Variants in CPQ observed in about 807,000 individuals in gnomAD.
The protein encoded by CPQ is carboxypeptidase Q.
A neutral mutation model predicts 45.7 loss-of-function variants in CPQ; 37 were observed. The ratio of observed to expected loss-of-function variants is 0.81; its 90% CI spans 0.62 to 1.07. The LOEUF (loss-of-function observed/expected upper bound fraction) is 1.07, where lower values mean the gene tolerates loss of function less well. Among genes scored for constraint, CPQ ranks in the 50% least tolerant of loss-of-function variants. The probability of loss-of-function intolerance (pLI) is 0.00; values close to 1 mark genes in which losing one functional copy is unlikely to be tolerated. For missense variants in CPQ, 537 were observed against 572.9 expected, an observed-to-expected ratio of 0.94 and a Z score of 0.64; for synonymous variants, 186 against 205.8, an observed-to-expected ratio of 0.90 and a Z score of 0.82.
intron 7 of CPQ, among the ~76,000 whole-genome samples, chr8:97,110,430 G>A (rs759043421): frequency 1.2e-4 from 18 of 152,004 alleles, no homozygotes; most frequent in South Asian, 2.1e-4. Context: ...TACTATGTAC[G>A]TACTTATACA....
chr8:96,872,466 G>T (rs904233991), intron 3 of CPQ, among the ~76,000 whole-genome samples: 1 of 151,756 alleles, frequency 6.6e-6, no homozygotes, highest in African/African-American at 2.4e-5. Flanking sequence ...TTATAATTTA[G>T]GTGTGTAATA....
At chr8:96,978,340 A>G (rs191620620) in intron 5 of CPQ, among the ~76,000 whole-genome samples, 82 of 152,348 alleles carry the variant, frequency 5.4e-4, no homozygotes, top group African/African-American at 1.7e-3. Flanking sequence ...TGCAAAATAC[A>G]TCTGTGAGAT....
intron 1 of CPQ, among the ~76,000 whole-genome samples, chr8:96,698,202 T>C (rs1426321264): frequency 2.6e-5 from 4 of 152,020 alleles, no homozygotes; most frequent in African/African-American, 9.7e-5. Context: ...TATACATCTA[T>C]GGTGAATTTA....
intron 4 of CPQ, among the ~76,000 whole-genome samples, chr8:96,894,639 A>G (rs1407270524): frequency 1.3e-5 from 2 of 152,348 alleles, no homozygotes; most frequent in Middle Eastern, 3.4e-3. Flanking sequence ...ATTTAGTTCT[A>G]TATGGACTAT....
chr8:96,777,973 A>G (rs1810638592), intron 1 of CPQ, among the ~76,000 whole-genome samples: 1 of 150,302 alleles, frequency 6.7e-6, no homozygotes, highest in Non-Finnish European at 1.5e-5. Flanking sequence ...TGTGATCCGC[A>G]TGCCTTGGAC....
rs555926308 is a variant in CPQ at position 96,971,541 on chromosome 8, G to T, written c.961+5495G>T. ...ATGAACTCTCCCTATTGCCATGTTG[G>T]ATACGCTTTCTGCACAATTATTTGG... On this transcript the variant is annotated intron_variant, in intron 5 of 7. Transcript: ENST00000220763. 1.7e-4 allele frequency among the ~76,000 whole-genome samples: 26 copies of T among 152,150 alleles called. No homozygotes were observed. The East Asian group carries it at 5.0e-3, about 29-fold the overall frequency.
intron 7 of CPQ, among the ~76,000 whole-genome samples, chr8:97,093,709 C>A (rs1811164022): frequency 6.6e-6 from 1 of 152,174 alleles, no homozygotes; most frequent in African/African-American, 2.4e-5. Context: ...ACAAGGAGGA[C>A]AATGGCCCCT....
chr8:96,692,770 A>G lies in CPQ; in HGVS notation c.-35+47368A>G, dbSNP rs371990749. The stretch of plus-strand genomic sequence containing the variant: ...CTGCAAAGACAACAATAAATATTCA[A>G]TTCTTCAACAGCCAGAGACCAATGA... On this transcript the variant is annotated intron_variant, in intron 1 of 7. Transcript: ENST00000220763. 2.0e-4 allele frequency among the ~76,000 whole-genome samples: 30 copies of G among 152,314 alleles called. 2 individuals carry two copies. Among genetic ancestry groups the G allele is most frequent in the African/African-American group, 6.0e-4 (25 of 41,574 alleles).
chr8:96,972,976 C>A (rs1813705413), intron 5 of CPQ, among the ~76,000 whole-genome samples: 2 of 152,076 alleles, frequency 1.3e-5, no homozygotes, highest in Non-Finnish European at 2.9e-5. Context: ...AAACAAGTTT[C>A]TTTTACATCC....
Position 96,695,840 on chromosome 8 carries a change from A to G in CPQ, c.-35+50438A>G, listed in dbSNP as rs1466915278. 4.9e-4 allele frequency among the ~76,000 whole-genome samples: 74 copies of G among 150,396 alleles called. 3 individuals carry two copies. Among genetic ancestry groups the G allele is most frequent in the African/African-American group, 1.3e-3 (51 of 39,976 alleles). ...AAATAGGAACACTTTTACACTGTTG[A>G]TGGGACTGTAAACTAGTTCAACCAT... On this transcript the variant is annotated intron_variant, in intron 1 of 7. Transcript: ENST00000220763.
At position 96,951,853 on chromosome 8, in the gene CPQ, G is replaced by GTT. The variant is rs34580107; in HGVS notation, c.850-14073_850-14072dup. ...AAGTGAATCTTTCCTAGAGAGAATT[G>GTT]TTTTTTTTTTGAATGTTTGAGGTCA... On this transcript the variant is annotated intron_variant, in intron 4 of 7. Coordinates refer to ENST00000220763, the MANE Select transcript of CPQ (RefSeq NM_016134.4). Among the ~76,000 whole-genome samples, 343 of 149,238 alleles carry GTT rather than the reference G, an allele frequency of 2.3e-3. 2 individuals are homozygous for GTT. The highest frequency in any genetic ancestry group is 5.8e-3 in the East Asian group (29 of 5,038).
intron 7 of CPQ, among the ~76,000 whole-genome samples, chr8:97,084,341 T>C (rs2130556009): frequency 6.6e-6 from 1 of 152,336 alleles, no homozygotes; most frequent in African/African-American, 2.4e-5. Context: ...ATGTATCCCG[T>C]GGCAATGTGA....
chr8:96,779,543 G>A (rs1439918161), intron 1 of CPQ, among the ~76,000 whole-genome samples: 2 of 152,036 alleles, frequency 1.3e-5, no homozygotes, highest in African/African-American at 4.8e-5. Flanking sequence ...TCAAAACACA[G>A]GTCTTGATTA....
intron 1 of CPQ, among the ~76,000 whole-genome samples, chr8:96,700,507 T>A (rs1277705410): frequency 6.6e-6 from 1 of 152,108 alleles, no homozygotes; most frequent in Non-Finnish European, 1.5e-5. Flanking sequence ...TTGAGGGCAT[T>A]CTCAGTCATG....
rs184814427 is a variant in CPQ at position 96,893,870 on chromosome 8, A to T, written c.849+13865A>T. On this transcript the variant is annotated intron_variant, in intron 4 of 7. Transcript: ENST00000220763. ...TTAAAATATGTCCACATTTTTTTTTAAAATTTCTGTTTAAAAGGTGGAGCC... is the reference window on the plus strand; with the variant it reads ...TTAAAATATGTCCACATTTTTTTTTTAAATTTCTGTTTAAAAGGTGGAGCC... Among the ~76,000 whole-genome samples the T allele has an allele frequency of 2.5e-3, 378 of 152,086 alleles. 2 individuals carry two copies. The highest frequency in any genetic ancestry group is 0.01 in the Middle Eastern group (3 of 294).
chr8:96,757,214 C>T (rs761401832), intron 1 of CPQ, among the ~76,000 whole-genome samples: 44 of 151,712 alleles, frequency 2.9e-4, no homozygotes, highest in Non-Finnish European at 5.2e-4. Context: ...AGCTGGGCGT[C>T]GTGGCGCATG....
At chr8:96,653,474 G>A (rs372291305) in intron 1 of CPQ, among the ~76,000 whole-genome samples, 11 of 152,084 alleles carry the variant, frequency 7.2e-5, no homozygotes, top group Non-Finnish European at 8.8e-5. Context: ...TGAGCAATGC[G>A]GGGCTTAGCG....
rs189992215 is a variant in CPQ, at chr8:96,647,341, T to G, written c.-35+1939T>G. 1.3e-5 allele frequency among the ~76,000 whole-genome samples: 2 copies of G among 152,312 alleles called. 1 individual carries two copies. The highest frequency in any genetic ancestry group is 1.3e-4 in the Admixed American group (2 of 15,302). ...ACACTGTTTTCCCAATGAGGTCATG[T>G]GTCATACAGGCATGGAATGTTACAA... On this transcript the variant is annotated intron_variant, in intron 1 of 7. Coordinates refer to ENST00000220763, the MANE Select transcript of CPQ (RefSeq NM_016134.4).
intron 2 of CPQ, among the ~76,000 whole-genome samples, chr8:96,799,204 A>C (rs1358903254): frequency 2.0e-5 from 3 of 152,212 alleles, no homozygotes; most frequent in African/African-American, 4.8e-5. Context: ...CTGGAAACTT[A>C]AGCAGCACAG....
Sources: allele counts gnomAD v4.1 joint callset (sites outside exome capture counted in the v4.1 genomes callset), GRCh38; gene constraint gnomAD v4.1.1; transcripts MANE v1.5; gene names NCBI Gene and HGNC (gene_info 2026-07-23, HGNC 2026-07-21).